Variants in ARID1B observed in about 807,000 individuals in gnomAD.
The protein encoded by ARID1B is AT-rich interaction domain 1B.
A neutral mutation model predicts 212.3 loss-of-function variants in ARID1B; 30 were observed. That is an observed-to-expected ratio of 0.14 (90% CI 0.11 to 0.19). The LOEUF is 0.19. ARID1B is among the 10% of genes least tolerant of loss of function. The pLI, the probability that ARID1B is intolerant of heterozygous loss-of-function variation, is 1.00. For synonymous variants in ARID1B, 1,402 were observed against 1,301.7 expected (o/e 1.08, Z -1.66); for missense variants, 2,891 against 3,204.0 (o/e 0.90, Z 2.36).
At chr6:156,880,779 A>AAAAAC (rs1189171487) in intron 2 of ARID1B, among the ~76,000 whole-genome samples, 1 of 151,342 alleles carries the variant, frequency 6.6e-6, no homozygotes, top group Non-Finnish European at 1.5e-5. Flanking sequence ...AGAAAAGAAA[A>AAAAAC]ACACACATTG....
intron 4 of ARID1B, chr6:156,941,200 G>A (rs1233142958): frequency 6.6e-6 from 1 of 152,120 alleles, no homozygotes. Flanking sequence ...ATGTTATTAG[G>A]CTATGTTGAG....
intron 12 of ARID1B, 44 bp downstream of exon 12, chr6:157,181,222 A>T: frequency 6.3e-7 from 1 of 1,599,800 alleles, no homozygotes; most frequent in Non-Finnish European, 8.6e-7. Context: ...AGCATTGTGG[A>T]TAAGTTCTTA....
intron 7 of ARID1B, chr6:157,141,422 T>C (rs947387032): frequency 6.6e-6 from 1 of 152,200 alleles, no homozygotes; most frequent in African/African-American, 2.4e-5. Flanking sequence ...CTAAGAGAAA[T>C]ATGGTACCTT....
intron 4 of ARID1B, among the ~76,000 whole-genome samples, chr6:156,945,800 G>A (rs1793077594): frequency 1.3e-5 from 2 of 152,174 alleles, no homozygotes; most frequent in Non-Finnish European, 2.9e-5. Flanking sequence ...TTGAGCCTAG[G>A]AGCTTGAGAC....
intron 4 of ARID1B, among the ~76,000 whole-genome samples, chr6:157,006,697 G>A (rs1346408951): frequency 6.6e-6 from 1 of 152,200 alleles, no homozygotes; most frequent in East Asian, 1.9e-4. Flanking sequence ...GCAGTATGTA[G>A]TGTTTTCATA....
rs1308198889 is a variant in ARID1B, at chr6:157,148,068, A to G, written c.2762-556A>G. Among the ~76,000 whole-genome samples, 3 of 151,734 alleles carry G rather than the reference A, an allele frequency of 2.0e-5. No individual in the cohort carries two copies. In the East Asian group the frequency reaches 5.9e-4, roughly 30 times the overall value. On this transcript the variant is annotated intron_variant, in intron 7 of 19. Transcript: ENST00000636930. This position sits in a 1 kb window ranked among gnomAD's most constrained non-coding sequence, Gnocchi z 5.6. ...CAAAAAAAGAAAGAAAGAAAGAAAAATATTATTCCCAACTTAGAGGAAAAC... is the reference window on the plus strand; with the variant it reads ...CAAAAAAAGAAAGAAAGAAAGAAAAGTATTATTCCCAACTTAGAGGAAAAC...
Position 157,167,135 on chromosome 6 carries a change from C to G in ARID1B, c.3185C>G (p.Thr1062Arg), listed in dbSNP as rs1247824233. The G allele has an allele frequency of 6.2e-7, 1 of 1,611,240 alleles. No individual in the cohort carries two copies. The highest frequency in any genetic ancestry group is 8.5e-7 in the Non-Finnish European group (1 of 1,179,996). The change falls in exon 9 of 20, where the codon ACG becomes AGG. Residue 1062 changes from threonine (T) to arginine (R), a missense_variant. Physicochemically the swap from Thr to Arg is moderately conservative, Grantham distance 71 (BLOSUM62 -1). This residue lies in a region of ARID1B where 1,643 missense variants were observed against 1,544.0 expected (regional missense o/e 1.06). Coordinates refer to ENST00000636930, the MANE Select transcript of ARID1B (RefSeq NM_001374828.1). ...AACAACAGCTCTAGCCTGATGAACA[C>G]GCAGGCGCCGCCCTACAGCATGGCG... ...PMNNSSSLMN[T>R]QAPPYSMAPA...
chr6:156,886,548 G>A (rs1004208560), intron 2 of ARID1B, among the ~76,000 whole-genome samples: 1 of 152,144 alleles, frequency 6.6e-6, no homozygotes, highest in Non-Finnish European at 1.5e-5. Flanking sequence ...TCTTGTCCCA[G>A]TCTGAGTGGC....
At chr6:156,892,133 C>T (rs776071118) in intron 2 of ARID1B, among the ~76,000 whole-genome samples, 2 of 149,680 alleles carry the variant, frequency 1.3e-5, no homozygotes, top group East Asian at 3.9e-4. Flanking sequence ...CTCTTGACCT[C>T]GTGATCCAGC....
chr6:156,841,088 C>A (rs1159223917), intron 2 of ARID1B, among the ~76,000 whole-genome samples: 1 of 152,188 alleles, frequency 6.6e-6, no homozygotes, highest in African/African-American at 2.4e-5. Context: ...GAAGAGAGTT[C>A]TACCACATGT....
chr6:156,999,017 T>C (rs1029808097), intron 4 of ARID1B, among the ~76,000 whole-genome samples: 1 of 152,206 alleles, frequency 6.6e-6, no homozygotes, highest in African/African-American at 2.4e-5. Flanking sequence ...AGTTTATATG[T>C]TTCTCTCTTC....
At chr6:157,171,254 A>G (rs1035516748) in intron 9 of ARID1B, among the ~76,000 whole-genome samples, 3 of 152,254 alleles carry the variant, frequency 2.0e-5, no homozygotes, top group Non-Finnish European at 4.4e-5. Context: ...CTGGTGCTTG[A>G]AAAGTATTTA....
At chr6:156,981,851 C>T (rs1263462921) in intron 4 of ARID1B, among the ~76,000 whole-genome samples, 1 of 151,938 alleles carries the variant, frequency 6.6e-6, no homozygotes, top group African/African-American at 2.4e-5. Flanking sequence ...CCTTCCTGTG[C>T]CCTCCAACAA....
At chr6:156,817,079 T>C (rs916765640) in intron 1 of ARID1B, among the ~76,000 whole-genome samples, 1 of 141,538 alleles carries the variant, frequency 7.1e-6, no homozygotes, top group Non-Finnish European at 1.5e-5. Flanking sequence ...TGCCCTTTAA[T>C]TAAAAAAAAA....
intron 5 of ARID1B, among the ~76,000 whole-genome samples, chr6:157,099,472 G>A (rs1562617241): frequency 1.3e-5 from 2 of 151,872 alleles, no homozygotes; most frequent in South Asian, 2.1e-4. Context: ...TCTTACCCTC[G>A]CACCTGTCAC....
chr6:157,039,834 TTCTTTCTCTC>T (rs200568705), intron 4 of ARID1B, among the ~76,000 whole-genome samples: 5,365 of 115,186 alleles, frequency 0.047, 319 homozygotes, highest in African/African-American at 0.099. Context: ...CTTTCTCTCT[TTCTTTCTCTC>T]TCTTTCTCTC....
At chr6:157,101,403 G>A (rs766709625) in intron 5 of ARID1B, among the ~76,000 whole-genome samples, 1 of 152,188 alleles carries the variant, frequency 6.6e-6, no homozygotes, top group East Asian at 1.9e-4. Context: ...TAATTCACAC[G>A]GACCTAAGAA....
At chr6:157,131,536 G>T (rs892213310) in intron 6 of ARID1B, among the ~76,000 whole-genome samples, 1 of 152,124 alleles carries the variant, frequency 6.6e-6, no homozygotes, top group East Asian at 1.9e-4. Flanking sequence ...TTGTCTTCTA[G>T]GAACTCTGGG....
In ARID1B at chr6:157,148,661, C is replaced by T; in HGVS notation, c.2799C>T (p.Pro933=). The T allele has an allele frequency of 6.2e-7, 1 of 1,606,098 alleles. No individual in the cohort carries two copies. The highest frequency in any genetic ancestry group is 8.5e-7 in the Non-Finnish European group (1 of 1,173,872). ...YSRPPAYSGV[P]SASYSGPGPG... ...GACCCCCAGCGTATAGTGGGGTGCC[C>T]AGTGCAAGCTACAGCGGCCCAGGGC... The change falls in exon 8 of 20, where the codon CCC becomes CCT. Residue 933 remains proline, a synonymous_variant. Transcript: ENST00000636930. This position sits in a 1 kb window ranked among gnomAD's most constrained non-coding sequence, Gnocchi z 5.6.
Sources: gnomAD v4.1 joint callset for allele counts (sites outside exome capture counted in the v4.1 genomes callset) on GRCh38, gnomAD v4.1.1 for gene constraint, gnomAD v4.1.1 regional missense constraint, Gnocchi (gnomAD v3.1) non-coding constraint, MANE v1.5 for transcripts, NCBI Gene and HGNC (gene_info 2026-07-23, HGNC 2026-07-21) for gene names.